The following USP10 variants were observed in gnomAD, a reference collection of about 807,000 sequenced individuals.
USP10 encodes ubiquitin specific peptidase 10, also known as ubiquitin carboxyl-terminal hydrolase 10.
Under a neutral mutation model 84.5 loss-of-function variants are expected in USP10, and 22 were observed. The observed-to-expected ratio is 0.26, with a 90% CI of 0.19 to 0.37. USP10 has a LOEUF of 0.37. USP10 is among the 10% of genes least tolerant of loss of function. The probability of loss-of-function intolerance (pLI) is 1.00; values close to 1 mark genes in which losing one functional copy is unlikely to be tolerated. For missense variants in USP10, 1,019 were observed against 998.9 expected (o/e 1.02, Z -0.27); for synonymous variants, 454 against 387.6 (o/e 1.17, Z -2.01).
chr16:84,779,318 C>T lies in USP10; in HGVS notation c.*236C>T. 2.6e-6 allele frequency: 1 copy of T among 389,392 alleles called. No homozygotes were observed. The highest frequency in any genetic ancestry group is 4.6e-6 in the Non-Finnish European group (1 of 217,840). 24.1% of individuals were successfully genotyped at this position (389,392 alleles called of 1,614,324 possible). ...GACTGTTGCTTGATTTTAGAAAATA[C>T]ACAAAAACCCATATTTCTGAAATAA... On this transcript the variant is annotated 3_prime_UTR_variant, in exon 14 of 14. Coordinates refer to ENST00000219473, the MANE Select transcript of USP10 (RefSeq NM_005153.3).
At chr16:84,759,687 A>G (rs1912976712) in intron 6 of USP10, 3 of 684,982 alleles carry the variant, frequency 4.4e-6, no homozygotes, top group African/African-American at 1.8e-5. Flanking sequence ...AGTAGAAAAT[A>G]TTTTAGCGTT....
chr16:84,769,722 G>C (rs187942126), intron 11 of USP10, among the ~76,000 whole-genome samples: 2 of 152,180 alleles, frequency 1.3e-5, no homozygotes, highest in African/African-American at 4.8e-5. Context: ...CATGCTGTTG[G>C]GGAGGTGGTC....
chr16:84,757,439 G>GTT (rs1912714366), intron 4 of USP10, among the ~76,000 whole-genome samples: 3 of 141,732 alleles, frequency 2.1e-5, no homozygotes, highest in African/African-American at 7.5e-5. Context: ...GTGTGTGTGT[G>GTT]TGTGTGTTTT....
chr16:84,742,622 A>G (rs1219950518), intron 3 of USP10, among the ~76,000 whole-genome samples: 2 of 152,082 alleles, frequency 1.3e-5, no homozygotes, highest in African/African-American at 4.8e-5. Context: ...TTCCTAATGT[A>G]TTGATTGGGT....
At chr16:84,725,931 C>T (rs959485029) in intron 1 of USP10, among the ~76,000 whole-genome samples, 2 of 152,152 alleles carry the variant, frequency 1.3e-5, no homozygotes, top group Non-Finnish European at 2.9e-5. Context: ...TTCTCAGCTT[C>T]TTGTGTATTT....
chr16:84,768,193 G>A lies in USP10; in HGVS notation c.1833G>A (p.Arg611=), dbSNP rs1914065844. The change falls in exon 11 of 14, where the codon AGG becomes AGA. Residue 611 remains arginine, a splice_region_variant and synonymous_variant. Transcript: ENST00000219473. ...PITGIFGGHI[R]SVVYQQSSKE... Reference sequence around the variant, plus strand: ...TTTTGTTTTTGCTTTCAATTCTTAGGTCTGTGGTTTACCAGCAGAGTTCAA... The same window carrying A: ...TTTTGTTTTTGCTTTCAATTCTTAGATCTGTGGTTTACCAGCAGAGTTCAA... 1.9e-6 allele frequency: 3 copies of A among 1,583,304 alleles called. No individual in the cohort carries two copies. Among genetic ancestry groups the A allele is most frequent in the Non-Finnish European group, 2.6e-6 (3 of 1,163,062 alleles).
chr16:84,771,631 G>A (rs1365498902), intron 11 of USP10, among the ~76,000 whole-genome samples: 2 of 152,230 alleles, frequency 1.3e-5, no homozygotes, highest in African/African-American at 4.8e-5. Context: ...CACTTTGGGA[G>A]GCTGAGGCAG....
chr16:84,779,135 C>T lies in USP10; in HGVS notation c.*53C>T. 1.3e-6 allele frequency: 2 copies of T among 1,554,688 alleles called. No individual in the cohort carries two copies. Among genetic ancestry groups the T allele is most frequent in the Non-Finnish European group, 1.8e-6 (2 of 1,140,230 alleles). On this transcript the variant is annotated 3_prime_UTR_variant, in exon 14 of 14. Coordinates refer to ENST00000219473, the MANE Select transcript of USP10 (RefSeq NM_005153.3). ...GTGCCCGCTTCGTAGGACACCACCT[C>T]ACACTCACTTCCCGCCTCTCTTTAG...
In USP10 at chr16:84,735,196, G is replaced by GATGTGTGTGTGTGT. The variant is rs1555541026; in HGVS notation, c.90+1693_90+1694insATGTGTGTGTGTGT. ...CAGGTGTGTGCTGCCAGGCCCGGGT[G>GATGTGTGTGTGTGT]GTGTGTGTGTGTGTGTGTGTGTGTG... On this transcript the variant is annotated intron_variant, in intron 2 of 13. Coordinates refer to ENST00000219473, the MANE Select transcript of USP10 (RefSeq NM_005153.3). Among the ~76,000 whole-genome samples, 267 of 146,378 alleles carry GATGTGTGTGTGTGT rather than the reference G, an allele frequency of 1.8e-3. 3 individuals carry two copies. The highest frequency in any genetic ancestry group is 6.1e-3 in the African/African-American group (239 of 39,398).
rs745388525 is a variant in USP10, at chr16:84,745,545, C to T, written c.1064C>T (p.Ser355Leu). 1.9e-5 allele frequency: 30 copies of T among 1,612,366 alleles called. No individual in the cohort carries two copies. Among genetic ancestry groups the T allele is most frequent in the African/African-American group, 5.3e-5 (4 of 74,894 alleles). ...LFHDSKPSSSSPVAYVETKYS... is the reference protein window; with the variant it reads ...LFHDSKPSSSLPVAYVETKYS... The stretch of plus-strand genomic sequence containing the variant: ...CATGATTCTAAGCCCTCTTCCTCCT[C>T]GCCGGTGGCCTATGTGGAAACTAAG... The change falls in exon 4 of 14, where the codon TCG becomes TTG. Residue 355 changes from serine (S) to leucine (L), a missense_variant. Physicochemically the swap from Ser to Leu is moderately radical, Grantham distance 145 (BLOSUM62 -2). This residue lies in a region of USP10 where 787 missense variants were observed against 708.8 expected (regional missense o/e 1.11). Transcript: ENST00000219473.
At chr16:84,761,570 CTG>C (rs1451678208) in intron 8 of USP10, among the ~76,000 whole-genome samples, 1 of 152,248 alleles carries the variant, frequency 6.6e-6, no homozygotes, top group East Asian at 1.9e-4. Flanking sequence ...CAGCACCAGA[CTG>C]TGACCACACG....
At chr16:84,753,467 C>T (rs1250700634) in intron 4 of USP10, among the ~76,000 whole-genome samples, 1 of 152,002 alleles carries the variant, frequency 6.6e-6, no homozygotes. Flanking sequence ...TTGAGCTGGC[C>T]GTCATGCCGG....
At chr16:84,715,543 C>T (rs1906900572) in intron 1 of USP10, among the ~76,000 whole-genome samples, 1 of 152,158 alleles carries the variant, frequency 6.6e-6, no homozygotes, top group African/African-American at 2.4e-5. Context: ...CCTGGGTGAC[C>T]TTACTACTTT....
intron 1 of USP10, among the ~76,000 whole-genome samples, chr16:84,714,533 C>T (rs1489186532): frequency 3.3e-5 from 5 of 151,734 alleles, no homozygotes; most frequent in Non-Finnish European, 7.4e-5. Context: ...TTTTCCTTTG[C>T]GATTGTTTTT....
At chr16:84,758,833 A>T (rs780366765) in intron 5 of USP10, 26 bp downstream of exon 5, 3 of 1,554,014 alleles carry the variant, frequency 1.9e-6, no homozygotes, top group Non-Finnish European at 2.7e-6. Flanking sequence ...GCCGTCCGCA[A>T]GGCCAGCTTG....
Position 84,744,714 on chromosome 16 carries a change from G to C in USP10, c.233G>C (p.Ser78Thr), listed in dbSNP as rs756667613. ...SDTLPRTPSY[S>T]ISSTLNPQAP... ...ACTTTGCCGAGAACCCCCAGCTACA[G>C]TATTTCAAGCACACTGAACCCTCAG... is the stretch of plus-strand genomic sequence containing the variant. The change falls in exon 4 of 14, where the codon AGT (serine) becomes ACT (threonine). Residue 78 changes from serine (S) to threonine (T), a missense_variant. Transcript: ENST00000219473. 6.2e-6 allele frequency: 10 copies of C among 1,613,656 alleles called. No individual in the cohort carries two copies. The East Asian group carries it at 1.1e-4, about 18-fold the overall frequency.
chr16:84,704,660 A>G, intron 1 of USP10: 1 of 1,435,138 alleles, frequency 7.0e-7, no homozygotes, highest in Non-Finnish European at 9.1e-7. Flanking sequence ...CAGAAAATGT[A>G]GAATTTATCA....
chr16:84,744,209 C>T (rs376962249), intron 3 of USP10, among the ~76,000 whole-genome samples: 3 of 151,912 alleles, frequency 2.0e-5, no homozygotes, highest in African/African-American at 7.3e-5. Context: ...GCTGATTTAA[C>T]CATGTTTTAA....
chr16:84,734,697 T>C (rs961946911), intron 2 of USP10, among the ~76,000 whole-genome samples: 1 of 152,254 alleles, frequency 6.6e-6, no homozygotes, highest in Admixed American at 6.5e-5. Context: ...TTTAAAAATA[T>C]CTTTAGGAAA....
Sources: allele counts gnomAD v4.1 joint callset (sites outside exome capture counted in the v4.1 genomes callset), GRCh38; gene constraint gnomAD v4.1.1; regional missense constraint gnomAD v4.1.1; transcripts MANE v1.5; gene names NCBI Gene and HGNC (gene_info 2026-07-23, HGNC 2026-07-21).